Variants in IQSEC1 observed in about 807,000 individuals in gnomAD.
The protein encoded by IQSEC1 is IQ motif and SEC7 domain-containing protein 1.
A neutral mutation model predicts 91.0 loss-of-function variants in IQSEC1; 31 were observed. That is an observed-to-expected ratio of 0.34 (90% CI 0.26 to 0.46). The LOEUF (loss-of-function observed/expected upper bound fraction) is 0.46. IQSEC1 is among the 20% of genes least tolerant of loss of function. IQSEC1 has a pLI of 1.00. For missense variants in IQSEC1, 1,388 were observed against 1,575.6 expected, an observed-to-expected ratio of 0.88 and a Z score of 2.02; for synonymous variants, 699 against 662.6, an observed-to-expected ratio of 1.05 and a Z score of -0.84.
chr3:12,902,857 G>T (rs188906230), intron 12 of IQSEC1, 35 bp from the exon 13 acceptor site: 1 of 1,560,580 alleles, frequency 6.4e-7, no homozygotes. Context: ...AGTTAGACGC[G>T]GACATGAGGC....
At chr3:12,911,842 C>T (rs1169258493) in intron 9 of IQSEC1, 114 bp from the exon 10 acceptor site, 2 of 740,742 alleles carry the variant, frequency 2.7e-6, no homozygotes, top group African/African-American at 1.7e-5. Context: ...CAGGGACAAG[C>T]CCACGTGAGT....
At chr3:12,954,130 C>G (rs1166816003) in intron 1 of IQSEC1, among the ~76,000 whole-genome samples, 1 of 152,222 alleles carries the variant, frequency 6.6e-6, no homozygotes, top group African/African-American at 2.4e-5. Context: ...GAGGTGATGG[C>G]TCCAGCCTCC....
chr3:13,171,391 T>C (rs1198035139), intron 1 of IQSEC1, among the ~76,000 whole-genome samples: 1 of 152,208 alleles, frequency 6.6e-6, no homozygotes, highest in Non-Finnish European at 1.5e-5. Flanking sequence ...CATTTGTACC[T>C]GCTCTTTCTC....
At chr3:13,024,226 C>A (rs1452014078) in intron 1 of IQSEC1, among the ~76,000 whole-genome samples, 1 of 152,224 alleles carries the variant, frequency 6.6e-6, no homozygotes, top group Admixed American at 6.5e-5. Flanking sequence ...CATCCACACA[C>A]CTTCCTCTCC....
At chr3:12,939,689 C>T (rs1484234357) in intron 2 of IQSEC1, among the ~76,000 whole-genome samples, 1 of 152,178 alleles carries the variant, frequency 6.6e-6, no homozygotes, top group Non-Finnish European at 1.5e-5. Context: ...TTCCATTTCA[C>T]ACACTCGGCA....
Position 12,941,649 on chromosome 3 carries a change from C to G in IQSEC1, c.240G>C (p.Gln80His), listed in dbSNP as rs1698757464. 6.2e-7 allele frequency: 1 copy of G among 1,612,696 alleles called. No individual in the cohort carries two copies. The highest frequency in any genetic ancestry group is 1.1e-5 in the South Asian group (1 of 90,962). The stretch of plus-strand genomic sequence containing the variant: ...AGCGCTTGATGGCCTCCTCCTCAGC[C>G]TGCTTGCGCAGGATGGAGGTCGAGT... ...LQHSTSILRK[Q>H]AEEEAIKRSR... The change falls in exon 2 of 14, where the codon CAG becomes CAC. Residue 80 changes from glutamine (Q) to histidine (H), a missense_variant. Around this residue, in one of 2 missense-constraint regions of IQSEC1, gnomAD observed 1,059 missense variants for 1,317.8 expected, o/e 0.80. Transcript: ENST00000613206.
chr3:12,968,331 G>T (rs1700738555), intron 1 of IQSEC1, among the ~76,000 whole-genome samples: 1 of 152,214 alleles, frequency 6.6e-6, no homozygotes, highest in African/African-American at 2.4e-5. Flanking sequence ...ATGGAAAGTT[G>T]CTTCTTTCTC....
chr3:12,907,578 G>A (rs1396505178), intron 12 of IQSEC1, among the ~76,000 whole-genome samples: 1 of 152,224 alleles, frequency 6.6e-6, no homozygotes, highest in East Asian at 1.9e-4. Flanking sequence ...GCAGCGGCAC[G>A]AGCCGGCACC....
chr3:12,936,003 T>C lies in IQSEC1; in HGVS notation c.1013A>G (p.Lys338Arg), dbSNP rs1698154214. The change falls in exon 3 of 14, where the codon AAG becomes AGG. Residue 338 changes from lysine (K) to arginine (R), a missense_variant. This residue lies in a region of IQSEC1 where 1,059 missense variants were observed against 1,317.8 expected (regional missense o/e 0.80). Transcript: ENST00000613206. ...DYWALAHKEDKADTDTSCRST... is the reference protein window; with the variant it reads ...DYWALAHKEDRADTDTSCRST... ...CCGGCAGCTCGTGTCCGTGTCAGCC[T>C]TGTCCTCTTTGTGGGCCAGGGCCCA... is the stretch of plus-strand genomic sequence containing the variant. 3.1e-6 allele frequency: 5 copies of C among 1,600,278 alleles called. No homozygotes were observed. The highest frequency in any genetic ancestry group is 4.2e-6 in the Non-Finnish European group (5 of 1,179,772).
At chr3:13,164,629 A>G (rs1426353465) in intron 1 of IQSEC1, among the ~76,000 whole-genome samples, 1 of 152,232 alleles carries the variant, frequency 6.6e-6, no homozygotes, top group African/African-American at 2.4e-5. Flanking sequence ...ATCAATTACA[A>G]CCATATTACA....
intron 1 of IQSEC1, among the ~76,000 whole-genome samples, chr3:12,947,951 C>T (rs1699291748): frequency 6.6e-6 from 1 of 152,250 alleles, no homozygotes; most frequent in Non-Finnish European, 1.5e-5. Context: ...ATGGACACCT[C>T]GCAGGAATAG....
At chr3:13,176,149 T>C (rs999547284) in intron 1 of IQSEC1, among the ~76,000 whole-genome samples, 4 of 152,330 alleles carry the variant, frequency 2.6e-5, no homozygotes, top group South Asian at 2.1e-4. Context: ...CAGGAGGAAC[T>C]GAGGCCTCCT....
chr3:13,184,066 T>C (rs548939374), intron 1 of IQSEC1, among the ~76,000 whole-genome samples: 2 of 152,378 alleles, frequency 1.3e-5, no homozygotes, highest in Non-Finnish European at 2.9e-5. Flanking sequence ...TGAAATGGCT[T>C]CACTAGTGAA....
Position 13,243,687 on chromosome 3 carries a change from T to C in IQSEC1, c.272+39024A>G, listed in dbSNP as rs576353601. Reference sequence around the variant, plus strand: ...ATCTGACCAGCAGGAGCCAATGCGCTTCCTCTTCACTGTCTGGAGGGGCAT... The same window carrying C: ...ATCTGACCAGCAGGAGCCAATGCGCCTCCTCTTCACTGTCTGGAGGGGCAT... On this transcript the variant is annotated intron_variant, in intron 1 of 15. Transcript: ENST00000648114. 2.0e-5 allele frequency among the ~76,000 whole-genome samples: 3 copies of C among 151,500 alleles called. No homozygotes were observed. The South Asian group carries it at 6.2e-4, about 31-fold the overall frequency.
intron 1 of IQSEC1, among the ~76,000 whole-genome samples, chr3:12,993,253 AG>A (rs1243387505): frequency 1.3e-5 from 2 of 152,096 alleles, no homozygotes; most frequent in African/African-American, 4.8e-5. Flanking sequence ...TAATGGCAGG[AG>A]GGGCTGCCCA....
At chr3:12,919,594 C>G (rs1440351046) in intron 6 of IQSEC1, among the ~76,000 whole-genome samples, 3 of 152,246 alleles carry the variant, frequency 2.0e-5, no homozygotes, top group Non-Finnish European at 2.9e-5. Flanking sequence ...TTTGTCAGCT[C>G]CACACGCTCT....
At position 12,944,129 on chromosome 3, in the gene IQSEC1, C is replaced by G. The variant is rs138590688; in HGVS notation, c.24-2264G>C. ...CCTATCAGTAACACGGTGGGCTGGACTCAATGCCTGCAAGCCCTCTGAGGA... is the reference window on the plus strand; with the variant it reads ...CCTATCAGTAACACGGTGGGCTGGAGTCAATGCCTGCAAGCCCTCTGAGGA... On this transcript the variant is annotated intron_variant, in intron 1 of 13. Coordinates refer to ENST00000613206, the MANE Select transcript of IQSEC1 (RefSeq NM_001134382.3). Among the ~76,000 whole-genome samples, 31 of 152,310 alleles carry G rather than the reference C, an allele frequency of 2.0e-4. No homozygotes were observed. In the East Asian group the frequency reaches 4.8e-3, roughly 24 times the overall value.
intron 1 of IQSEC1, among the ~76,000 whole-genome samples, chr3:12,944,638 G>T (rs1699053728): frequency 6.6e-6 from 1 of 152,222 alleles, no homozygotes; most frequent in Non-Finnish European, 1.5e-5. Context: ...CCAAATCTGT[G>T]CTTCCAGGCA....
At chr3:13,015,222 G>C (rs1703063883) in intron 1 of IQSEC1, among the ~76,000 whole-genome samples, 1 of 152,164 alleles carries the variant, frequency 6.6e-6, no homozygotes, top group Non-Finnish European at 1.5e-5. Flanking sequence ...ATCTTTCTCA[G>C]GGTGGTTGTG....
Sources: gnomAD v4.1 joint callset for allele counts (sites outside exome capture counted in the v4.1 genomes callset) on GRCh38, gnomAD v4.1.1 for gene constraint, gnomAD v4.1.1 regional missense constraint, MANE v1.5 for transcripts, NCBI Gene and HGNC (gene_info 2026-07-23, HGNC 2026-07-21) for gene names.